PCDH11Y: variants seen among roughly 807,000 people sequenced by gnomAD.
PCDH11Y encodes protocadherin 11 Y-linked.
For missense variants in PCDH11Y, 12 were observed against 224.8 expected (o/e 0.05, Z 6.05); for synonymous variants, 9 against 83.6 (o/e 0.11, Z 4.87).
At chrY:5,129,459 A>G (rs2052830342) in intron 2 of PCDH11Y, among the ~76,000 whole-genome samples, 1 of 17,716 alleles carries the variant, frequency 5.6e-5, no homozygotes, top group African/African-American at 2.8e-4. Flanking sequence ...ACACACACAC[A>G]CATACCCACA....
intron 4 of PCDH11Y, among the ~76,000 whole-genome samples, chrY:5,675,138 A>G: frequency 2.9e-5 from 1 of 34,050 alleles, no homozygotes; most frequent in Non-Finnish European, 7.3e-5. Flanking sequence ...TGGAGGCCTC[A>G]GGAAACTTAC....
chrY:5,092,192 GGAGATGGTGTTTTCTTACCCAAAGA>G, intron 1 of PCDH11Y, among the ~76,000 whole-genome samples: 4 of 29,223 alleles, frequency 1.4e-4, no homozygotes, highest in African/African-American at 5.3e-4. Flanking sequence ...TTACCCAAAG[GGAGATGGTGTTTTCTTACCCAAAGA>G]GAGATGGTGT....
intron 3 of PCDH11Y, among the ~76,000 whole-genome samples, chrY:5,038,066 C>G: frequency 3.1e-5 from 1 of 32,237 alleles, no homozygotes; most frequent in Non-Finnish European, 7.6e-5. Flanking sequence ...AAAGTCTGCA[C>G]AAAAGTAGAA....
At chrY:5,012,098 A>G in intron 1 of PCDH11Y, among the ~76,000 whole-genome samples, 1 of 29,061 alleles carries the variant, frequency 3.4e-5, no homozygotes, top group Non-Finnish European at 8.1e-5. Flanking sequence ...TAAGTGCTAA[A>G]TGAACTTGAG....
Position 5,021,665 on chromosome Y carries a change from T to C in PCDH11Y, c.-133-10241T>C, listed in dbSNP as rs368097019. On this transcript the variant is annotated intron_variant, in intron 1 of 5. Coordinates refer to the PCDH11Y transcript ENST00000333703. ...CTTCATAAAGTAAGTTGTTGAAAGA[T>C]TAAATATTTTACTGCAGTTCACTCT... 2.2e-4 allele frequency among the ~76,000 whole-genome samples: 7 copies of C among 32,380 alleles called. No homozygotes were observed. The East Asian group carries it at 4.0e-3, about 19-fold the overall frequency. The allele number at this position is 32,380 out of a possible 37,273, so 86.9% of individuals were successfully genotyped here.
At position 5,075,323 on chromosome Y, in the gene PCDH11Y, G is replaced by C. The variant is rs1569474773; in HGVS notation, c.636+17864G>C. ...ACATCATAGGTGTATATATTCATGG[G>C]GTACATGAAATACTTTGATACAGAC... On this transcript the variant is annotated intron_variant, in intron 1 of 1. Transcript: ENST00000215473. Among the ~76,000 whole-genome samples, 44 of 31,903 alleles carry C rather than the reference G, an allele frequency of 1.4e-3. No individual in the cohort carries two copies. In the East Asian group the frequency reaches 0.035, roughly 26 times the overall value. 85.6% of individuals were successfully genotyped at this position (31,903 alleles called of 37,273 possible).
intron 2 of PCDH11Y, among the ~76,000 whole-genome samples, chrY:5,359,629 G>A: frequency 3.2e-5 from 1 of 31,232 alleles, no homozygotes; most frequent in Non-Finnish European, 7.7e-5. Context: ...CAACAGGAAG[G>A]ACTATTTCTA....
At chrY:5,111,679 C>G in intron 2 of PCDH11Y, among the ~76,000 whole-genome samples, 1 of 33,981 alleles carries the variant, frequency 2.9e-5, no homozygotes, top group Non-Finnish European at 7.3e-5. Flanking sequence ...TCTAGAATAA[C>G]TGATAACAGT....
intron 3 of PCDH11Y, chrY:5,573,591 G>A: frequency 3.4e-6 from 1 of 289,859 alleles, no homozygotes; most frequent in Non-Finnish European, 5.3e-6. Flanking sequence ...TGCCTGCATC[G>A]TTCTACATAT....
intron 4 of PCDH11Y, among the ~76,000 whole-genome samples, chrY:5,677,677 G>C: frequency 3.0e-5 from 1 of 33,011 alleles, no homozygotes; most frequent in Admixed American, 2.8e-4. Flanking sequence ...ACTGGTTAAA[G>C]AGTAAATTAG....
At chrY:5,419,130 C>G (rs2053255665) in intron 2 of PCDH11Y, among the ~76,000 whole-genome samples, 1 of 33,252 alleles carries the variant, frequency 3.0e-5, no homozygotes, top group Admixed American at 2.8e-4. Flanking sequence ...ACTGATTCCT[C>G]TAGTGAATTT....
At chrY:5,382,056 C>G in intron 2 of PCDH11Y, among the ~76,000 whole-genome samples, 2 of 33,594 alleles carry the variant, frequency 6.0e-5, no homozygotes, top group African/African-American at 2.3e-4. Flanking sequence ...ATTCAGAAGA[C>G]CGTTAGAGCA....
chrY:5,537,420 A>T, intron 3 of PCDH11Y, among the ~76,000 whole-genome samples: 1 of 31,883 alleles, frequency 3.1e-5, no homozygotes, highest in African/African-American at 1.2e-4. Context: ...TATCTGTTAA[A>T]TTTTTAAAGG....
chrY:5,311,876 T>A, intron 2 of PCDH11Y, among the ~76,000 whole-genome samples: 1 of 28,015 alleles, frequency 3.6e-5, no homozygotes, highest in Non-Finnish European at 8.4e-5. Context: ...TATTTTTTAG[T>A]AGTGGCGGGG....
chrY:5,435,439 G>C, intron 2 of PCDH11Y, among the ~76,000 whole-genome samples: 2 of 28,757 alleles, frequency 7.0e-5, no homozygotes, highest in Non-Finnish European at 1.6e-4. Context: ...TCAGCCTCCC[G>C]AGTAACTGGA....
At chrY:5,082,981 A>G in intron 1 of PCDH11Y, among the ~76,000 whole-genome samples, 1 of 32,037 alleles carries the variant, frequency 3.1e-5, no homozygotes, top group Admixed American at 2.8e-4. Flanking sequence ...TTGGAGCCAC[A>G]GGGATGGCTG....
intron 2 of PCDH11Y, among the ~76,000 whole-genome samples, chrY:5,408,510 G>C: frequency 3.1e-5 from 1 of 32,694 alleles, no homozygotes; most frequent in Non-Finnish European, 7.5e-5. Context: ...CATGATCTTG[G>C]CTCACTGCAA....
At chrY:5,049,736 A>G (rs2052648665) in intron 3 of PCDH11Y, among the ~76,000 whole-genome samples, 1 of 30,756 alleles carries the variant, frequency 3.3e-5, no homozygotes. Context: ...AATTTTTTGT[A>G]TTTTTTAGTA....
chrY:5,373,197 C>CT (rs1297603049), intron 2 of PCDH11Y, among the ~76,000 whole-genome samples: 1 of 9,768 alleles, frequency 1.0e-4, no homozygotes, highest in African/African-American at 4.5e-4. Flanking sequence ...CTTTCCCTTC[C>CT]TTTTTTTTTT....
Sources: allele counts gnomAD v4.1 joint callset (sites outside exome capture counted in the v4.1 genomes callset), GRCh38; gene constraint gnomAD v4.1.1; transcripts MANE v1.5; gene names NCBI Gene and HGNC (gene_info 2026-07-23, HGNC 2026-07-21).